SLC22A14: variants seen among roughly 807,000 people sequenced by gnomAD.
The protein encoded by SLC22A14 is organic cation transporter-like 4.
A neutral mutation model predicts 53.9 loss-of-function variants in SLC22A14; 50 were observed. The ratio of observed to expected loss-of-function variants is 0.93; its 90% CI spans 0.74 to 1.17. SLC22A14 has a LOEUF of 1.17. SLC22A14 is among the 50% of genes most tolerant of loss of function. The pLI, the probability that SLC22A14 is intolerant of heterozygous loss-of-function variation, is 0.00. For synonymous variants in SLC22A14, 312 were observed against 303.0 expected, an observed-to-expected ratio of 1.03 and a Z score of -0.31; for missense variants, 671 against 734.7, an observed-to-expected ratio of 0.91 and a Z score of 1.00.
intron 2 of SLC22A14, among the ~76,000 whole-genome samples, chr3:38,306,891 G>A (rs1238441022): frequency 1.3e-5 from 2 of 152,202 alleles, no homozygotes; most frequent in East Asian, 1.9e-4. Context: ...TTCCCAACCC[G>A]AGCTGCAATC....
At chr3:38,280,923 C>T (rs1243677699), upstream of SLC22A14, among the ~76,000 whole-genome samples, 1 of 152,232 alleles carries the variant, frequency 6.6e-6, no homozygotes, top group Non-Finnish European at 1.5e-5. Flanking sequence ...AGCCACCATG[C>T]CCAGCCGAGT....
chr3:38,315,435 A>G, intron 8 of SLC22A14, 123 bp from the exon 9 acceptor site: 2 of 1,024,238 alleles, frequency 2.0e-6, no homozygotes, highest in South Asian at 3.1e-5. Flanking sequence ...ACAACCTGCC[A>G]CTCCTCTGAC....
At chr3:38,293,817 G>A (rs918754354) in intron 1 of SLC22A14, among the ~76,000 whole-genome samples, 1 of 152,300 alleles carries the variant, frequency 6.6e-6, no homozygotes, top group Middle Eastern at 3.4e-3. Context: ...TTCCTCTGTT[G>A]TCATCCTATC....
At chr3:38,305,631 C>CGTGT in intron 1 of SLC22A14, 1 of 172,630 alleles carries the variant, frequency 5.8e-6, no homozygotes, top group Non-Finnish European at 1.2e-5. Flanking sequence ...GCCGACGATG[C>CGTGT]AGATCTTTGT....
At chr3:38,299,882 A>G (rs1024634982) in intron 1 of SLC22A14, among the ~76,000 whole-genome samples, 1 of 152,202 alleles carries the variant, frequency 6.6e-6, no homozygotes, top group African/African-American at 2.4e-5. Context: ...CTGAGTGGCT[A>G]TAACACTGTT....
At chr3:38,299,772 G>A (rs1704120038) in intron 1 of SLC22A14, among the ~76,000 whole-genome samples, 1 of 152,116 alleles carries the variant, frequency 6.6e-6, no homozygotes, top group Non-Finnish European at 1.5e-5. Context: ...TTGTTGGCCA[G>A]GCTGGTGTTG....
chr3:38,317,438 T>C (rs1165705597), intron 10 of SLC22A14, among the ~76,000 whole-genome samples: 2 of 152,166 alleles, frequency 1.3e-5, no homozygotes, highest in Non-Finnish European at 1.5e-5. Flanking sequence ...ACAGGATCTG[T>C]AGGAACCTAA....
chr3:38,311,369 C>T (rs1704463648), intron 5 of SLC22A14, among the ~76,000 whole-genome samples: 1 of 152,190 alleles, frequency 6.6e-6, no homozygotes, highest in South Asian at 2.1e-4. Context: ...AGGATAGTGC[C>T]TGGCTTCCGC....
In SLC22A14 at chr3:38,311,633, G is replaced by A. The variant is rs1489707868; in HGVS notation, c.945-1366G>A. Among the ~76,000 whole-genome samples the A allele has an allele frequency of 2.6e-5, 4 of 151,822 alleles. 1 individual carries two copies. In the South Asian group the frequency reaches 8.3e-4, roughly 32 times the overall value. ...TGCTTAGGGACTTCTTCTGCCAAAT[G>A]TCCTATTTCATCACTTACAAGTTCC... On this transcript the variant is annotated intron_variant, in intron 5 of 10. Transcript: ENST00000448498.
chr3:38,295,776 G>GTCTCTGTCTGTCTCTC (rs982215102), intron 1 of SLC22A14, among the ~76,000 whole-genome samples: 18 of 137,642 alleles, frequency 1.3e-4, no homozygotes, highest in South Asian at 4.4e-4. Flanking sequence ...CTCTCTGTCT[G>GTCTCTGTCTGTCTCTC]TCTCTGTCTG....
chr3:38,306,418 G>A lies in SLC22A14; in HGVS notation c.392G>A (p.Cys131Tyr). ...GCACCCAATGGCAGTTTCCTGACATGCTTCATGTACCTTCCTGTGCCTTGG... is the reference window on the plus strand; with the variant it reads ...GCACCCAATGGCAGTTTCCTGACATACTTCATGTACCTTCCTGTGCCTTGG... ...PQAPNGSFLT[C>Y]FMYLPVPWNL... is the part of the protein sequence containing the mutation. The change falls in exon 2 of 11, where the codon TGC becomes TAC. Residue 131 changes from cysteine (C) to tyrosine (Y), a missense_variant. Coordinates refer to ENST00000448498, the MANE Select transcript of SLC22A14 (RefSeq NM_001320033.2). 1 of 1,614,184 alleles carries A rather than the reference G, an allele frequency of 6.2e-7. No individual in the cohort carries two copies. The highest frequency in any genetic ancestry group is 8.5e-7 in the Non-Finnish European group (1 of 1,180,034).
chr3:38,315,842 C>T, intron 9 of SLC22A14, 131 bp downstream of exon 9: 1 of 931,668 alleles, frequency 1.1e-6, no homozygotes, highest in Non-Finnish European at 1.6e-6. Context: ...CATAAGTGAT[C>T]TCATTTAAAC....
intron 1 of SLC22A14, among the ~76,000 whole-genome samples, chr3:38,283,128 C>G (rs1023936880): frequency 1.3e-5 from 2 of 152,026 alleles, no homozygotes; most frequent in African/African-American, 4.8e-5. Context: ...TCAAAGCCAC[C>G]GACGGCTGCC....
At chr3:38,300,779 G>GCATAAGGCATAAGCTAT (rs1425307450) in intron 1 of SLC22A14, among the ~76,000 whole-genome samples, 1 of 152,170 alleles carries the variant, frequency 6.6e-6, no homozygotes, top group African/African-American at 2.4e-5. Flanking sequence ...AAGATGTTCA[G>GCATAAGGCATAAGCTAT]CATAAGGCAT....
intron 9 of SLC22A14, 130 bp downstream of exon 9, chr3:38,315,841 T>C: frequency 3.1e-6 from 3 of 980,726 alleles, no homozygotes; most frequent in East Asian, 4.8e-5. Flanking sequence ...ACATAAGTGA[T>C]CTCATTTAAA....
At chr3:38,298,423 C>CATCTATCTATCT (rs60379934) in intron 1 of SLC22A14, among the ~76,000 whole-genome samples, 119 of 146,492 alleles carry the variant, frequency 8.1e-4, no homozygotes, top group Non-Finnish European at 9.6e-4. Flanking sequence ...CTTGCACACA[C>CATCTATCTATCT]ATCTATCTAT....
chr3:38,280,605 C>A (rs1207191465), upstream of SLC22A14, among the ~76,000 whole-genome samples: 2 of 151,234 alleles, frequency 1.3e-5, no homozygotes, highest in Non-Finnish European at 2.9e-5. Context: ...TATTGGGGCT[C>A]TTCTCAACCC....
rs978314457 is a variant in SLC22A14 at position 38,314,563 on chromosome 3, A to G, written c.1378+622A>G. Among the ~76,000 whole-genome samples the G allele has an allele frequency of 3.9e-5, 6 of 152,204 alleles. No homozygotes were observed. In the East Asian group the frequency reaches 7.7e-4, roughly 20 times the overall value. On this transcript the variant is annotated intron_variant, in intron 8 of 10. Transcript: ENST00000448498. ...ACAGTGGATACACCACAGGTCCTAG[A>G]GCTGGAGCGATCTGTGCAGCACATG...
At chr3:38,308,586 A>T (rs1704379685) in intron 4 of SLC22A14, among the ~76,000 whole-genome samples, 1 of 152,228 alleles carries the variant, frequency 6.6e-6, no homozygotes, top group African/African-American at 2.4e-5. Context: ...CCAAAGCACG[A>T]ATACACTCAG....
Sources: gnomAD v4.1 joint callset for allele counts (sites outside exome capture counted in the v4.1 genomes callset) on GRCh38, gnomAD v4.1.1 for gene constraint, MANE v1.5 for transcripts, NCBI Gene and HGNC (gene_info 2026-07-23, HGNC 2026-07-21) for gene names.